CSMD2: variants seen among roughly 807,000 people sequenced by gnomAD.
CSMD2 encodes the protein CUB and Sushi multiple domains 2, also known as CUB and sushi domain-containing protein 2.
Under a neutral mutation model 398.5 loss-of-function variants are expected in CSMD2, and 130 were observed. The ratio of observed to expected loss-of-function variants is 0.33; its 90% CI spans 0.28 to 0.38. CSMD2 has a LOEUF of 0.38. CSMD2 is among the 10% of genes least tolerant of loss of function. The probability of loss-of-function intolerance (pLI) is 1.00; values close to 1 mark genes in which losing one functional copy is unlikely to be tolerated. For synonymous variants in CSMD2, 1,828 were observed against 1,908.5 expected (o/e 0.96, Z 1.10); for missense variants, 3,829 against 4,764.9 (o/e 0.80, Z 5.78).
Position 34,110,302 on chromosome 1 carries a change from T to A in CSMD2, c.188-21109A>T, listed in dbSNP as rs7540863. Among the ~76,000 whole-genome samples, 1,457 of 152,174 alleles carry A rather than the reference T, an allele frequency of 9.6e-3. 20 individuals carry two copies. Among genetic ancestry groups the A allele is most frequent in the African/African-American group, 0.034 (1,400 of 41,516 alleles). On this transcript the variant is annotated intron_variant, in intron 1 of 70. Coordinates refer to ENST00000373381, the MANE Select transcript of CSMD2 (RefSeq NM_001281956.2). ...GCAGTTTGGTGATTCCTCAAAAACC[T>A]AGAAACAGAACTATCATTCAACCCA...
chr1:33,862,406 A>G (rs1403420015), intron 5 of CSMD2: 1 of 82,316 alleles, frequency 1.2e-5, no homozygotes, highest in African/African-American at 3.6e-5. Context: ...TCTGAGCCTG[A>G]GCAGAGTCTG....
intron 27 of CSMD2, among the ~76,000 whole-genome samples, chr1:33,654,709 C>T (rs541974395): frequency 1.4e-4 from 21 of 152,336 alleles, no homozygotes; most frequent in Non-Finnish European, 2.8e-4. Flanking sequence ...CTGATGTGGC[C>T]AGTGAGAGTG....
intron 18 of CSMD2, 49 bp downstream of exon 18, chr1:33,724,467 G>A: frequency 1.3e-6 from 2 of 1,586,574 alleles, no homozygotes; most frequent in Non-Finnish European, 1.7e-6. Context: ...GTGTTTCTGT[G>A]GCAGGAGAGG....
Position 33,663,004 on chromosome 1 carries a change from C to A in CSMD2, c.4141G>T (p.Glu1381Ter). ...GPVESGVLLK[E>*]LSGPALPKDL... ...TTGGGCAGGGCCGGGCCACTCAGCTCCTTCAGCAGAACCCCGCTCTCCACA... is the reference window on the plus strand; with the variant it reads ...TTGGGCAGGGCCGGGCCACTCAGCTACTTCAGCAGAACCCCGCTCTCCACA... The change falls in exon 26 of 71, where the codon GAG becomes TAG. Residue 1381 changes from glutamate (E) to a stop codon, truncating the protein, a stop_gained. Coordinates refer to ENST00000373381, the MANE Select transcript of CSMD2 (RefSeq NM_001281956.2). LOFTEE classifies it high-confidence loss of function. 6.2e-7 allele frequency: 1 copy of A among 1,614,186 alleles called. No individual in the cohort carries two copies. Among genetic ancestry groups the A allele is most frequent in the Non-Finnish European group, 8.5e-7 (1 of 1,180,026 alleles).
chr1:33,592,531 C>G, intron 44 of CSMD2: 1 of 717,118 alleles, frequency 1.4e-6, no homozygotes, highest in Non-Finnish European at 2.6e-6. Flanking sequence ...GGCACAGGCA[C>G]CACAAAGTGA....
At chr1:34,022,436 C>T (rs551863494) in intron 3 of CSMD2, among the ~76,000 whole-genome samples, 1 of 152,296 alleles carries the variant, frequency 6.6e-6, no homozygotes, top group East Asian at 1.9e-4. Flanking sequence ...TGAGCTCTGA[C>T]TTCAGTGCTC....
chr1:33,819,566 T>C lies in CSMD2; in HGVS notation c.1324+147A>G, dbSNP rs16835959. 1,635 of 667,210 alleles carry C rather than the reference T, an allele frequency of 2.5e-3. 12 individuals are homozygous for C. The African/African-American group carries it at 0.025, about 10-fold the overall frequency. The allele number at this position is 667,210 out of a possible 1,614,324, so 41.3% of individuals were successfully genotyped here. On this transcript the variant is annotated intron_variant, in intron 9 of 70. Coordinates refer to ENST00000373381, the MANE Select transcript of CSMD2 (RefSeq NM_001281956.2). Reference sequence around the variant, plus strand: ...ATACTGAGAAAGGGCTGGATAAGTATGCTTATTGGTAAATAAGTGCAGGGA... The same window carrying C: ...ATACTGAGAAAGGGCTGGATAAGTACGCTTATTGGTAAATAAGTGCAGGGA...
intron 1 of CSMD2, among the ~76,000 whole-genome samples, chr1:34,122,177 T>G (rs1426904629): frequency 6.6e-6 from 1 of 152,096 alleles, no homozygotes; most frequent in Non-Finnish European, 1.5e-5. Context: ...AGGGGGCCGC[T>G]ACTGGCAGCT....
chr1:33,605,514 A>C, intron 41 of CSMD2, 44 bp from the exon 42 acceptor site: 2 of 1,587,708 alleles, frequency 1.3e-6, no homozygotes, highest in Non-Finnish European at 1.7e-6. Context: ...CTCTCTGACC[A>C]GAAAATAGGA....
chr1:34,141,661 G>C (rs1571248020), intron 1 of CSMD2, among the ~76,000 whole-genome samples: 1 of 148,996 alleles, frequency 6.7e-6, no homozygotes, highest in Non-Finnish European at 1.5e-5. Flanking sequence ...GGGGGATGAG[G>C]TCAGGAAGAA....
intron 7 of CSMD2, 25 bp from the exon 8 acceptor site, chr1:33,820,581 A>AAAC: frequency 8.5e-7 from 1 of 1,171,556 alleles, no homozygotes; most frequent in Admixed American, 1.9e-5. Flanking sequence ...AAAAAAAAAA[A>AAAC]AAAAAAACAG....
intron 5 of CSMD2, among the ~76,000 whole-genome samples, chr1:33,872,242 T>C (rs1183847098): frequency 1.3e-5 from 2 of 152,170 alleles, no homozygotes; most frequent in Non-Finnish European, 2.9e-5. Flanking sequence ...AATAATTTCT[T>C]CTTACTGCTT....
At chr1:33,688,676 C>T (rs1309307441) in intron 25 of CSMD2, among the ~76,000 whole-genome samples, 1 of 151,946 alleles carries the variant, frequency 6.6e-6, no homozygotes. Context: ...ATTAGCCAGG[C>T]GTGATGGCGC....
chr1:33,897,970 G>A (rs530328199), intron 5 of CSMD2, among the ~76,000 whole-genome samples: 3 of 152,284 alleles, frequency 2.0e-5, no homozygotes, highest in Admixed American at 2.0e-4. Flanking sequence ...GGTGGTCTCA[G>A]TCAAGACCCT....
intron 1 of CSMD2, among the ~76,000 whole-genome samples, chr1:34,138,616 T>C (rs1280182461): frequency 1.3e-5 from 2 of 152,226 alleles, no homozygotes; most frequent in African/African-American, 2.4e-5. Context: ...ACATAAATGG[T>C]TGACTACATG....
At chr1:33,951,776 G>C (rs1282838244) in intron 3 of CSMD2, among the ~76,000 whole-genome samples, 1 of 152,162 alleles carries the variant, frequency 6.6e-6, no homozygotes, top group Non-Finnish European at 1.5e-5. Flanking sequence ...CATCTGTCCA[G>C]GTTTTCCTCC....
At chr1:33,836,212 G>A (rs1016318166) in intron 6 of CSMD2, among the ~76,000 whole-genome samples, 22 of 152,188 alleles carry the variant, frequency 1.4e-4, no homozygotes, top group African/African-American at 4.8e-4. Flanking sequence ...CTGCCTGATC[G>A]TTCGTCTGGA....
At chr1:34,110,730 C>T (rs573911777) in intron 1 of CSMD2, among the ~76,000 whole-genome samples, 10 of 151,954 alleles carry the variant, frequency 6.6e-5, no homozygotes, top group African/African-American at 1.9e-4. Context: ...GCAACATACA[C>T]GAGGGACTAC....
intron 25 of CSMD2, among the ~76,000 whole-genome samples, chr1:33,668,229 G>A (rs955799160): frequency 2.0e-5 from 3 of 152,180 alleles, no homozygotes; most frequent in African/African-American, 7.2e-5. Context: ...GCGGGACTCC[G>A]TGGATGGGGG....
Sources: allele counts gnomAD v4.1 joint callset (sites outside exome capture counted in the v4.1 genomes callset), GRCh38; gene constraint gnomAD v4.1.1; transcripts MANE v1.5; gene names NCBI Gene and HGNC (gene_info 2026-07-23, HGNC 2026-07-21).